Variants in FOXP2 observed in about 807,000 individuals in gnomAD.
FOXP2 encodes the protein forkhead box protein P2.
Under a neutral mutation model 115.8 loss-of-function variants are expected in FOXP2, and 12 were observed. The observed-to-expected ratio is 0.10, with a 90% CI of 0.07 to 0.17. The LOEUF (loss-of-function observed/expected upper bound fraction) is 0.17. Ranked by LOEUF, FOXP2 falls within the 10% of genes least tolerant of loss-of-function variation. The pLI, the probability that FOXP2 is intolerant of heterozygous loss-of-function variation, is 1.00. For missense variants in FOXP2, 629 were observed against 843.5 expected (o/e 0.75, Z 3.15); for synonymous variants, 328 against 297.7 (o/e 1.10, Z -1.05).
At chr7:114,432,809 A>G (rs1794173407) in intron 2 of FOXP2, among the ~76,000 whole-genome samples, 2 of 152,004 alleles carry the variant, frequency 1.3e-5, no homozygotes, top group Admixed American at 6.6e-5. Context: ...ACATGATGAC[A>G]CTAAAGATAT....
In FOXP2 at chr7:114,121,446, G is replaced by A. The variant is rs73716357; in HGVS notation, c.-247+33608G>A. 7.3e-3 allele frequency among the ~76,000 whole-genome samples: 1,104 copies of A among 152,182 alleles called. 10 individuals carry two copies. The highest frequency in any genetic ancestry group is 0.025 in the African/African-American group (1,032 of 41,522). ...GAAAGAAAGGGAAAAGATAAATTCA[G>A]TTTTTTACATTTTAAGCCTGAGAAG... On this transcript the variant is annotated intron_variant, in intron 1 of 19. Coordinates refer to the FOXP2 transcript ENST00000635638.
At chr7:114,462,070 A>C (rs910412377) in intron 2 of FOXP2, among the ~76,000 whole-genome samples, 10 of 151,784 alleles carry the variant, frequency 6.6e-5, no homozygotes, top group African/African-American at 2.4e-4. Context: ...CACGAGGTCA[A>C]GAGATCCGAG....
intron 3 of FOXP2, among the ~76,000 whole-genome samples, chr7:114,551,103 AATGATTATC>A (rs1247383632): frequency 1.2e-4 from 19 of 152,202 alleles, no homozygotes; most frequent in Non-Finnish European, 2.1e-4. Flanking sequence ...ATGTGAAACA[AATGATTATC>A]ATGCTCCAGA....
intron 2 of FOXP2, among the ~76,000 whole-genome samples, chr7:114,438,462 A>G (rs1297528963): frequency 6.6e-6 from 1 of 152,050 alleles, no homozygotes; most frequent in Non-Finnish European, 1.5e-5. Context: ...GAAAACCCAT[A>G]TGCCTATCCT....
chr7:114,438,553 AC>A (rs1185208965), intron 2 of FOXP2, among the ~76,000 whole-genome samples: 1 of 151,958 alleles, frequency 6.6e-6, no homozygotes, highest in African/African-American at 2.4e-5. Context: ...CATTATAACA[AC>A]TAGTTTTGAA....
intron 3 of FOXP2, among the ~76,000 whole-genome samples, chr7:114,607,191 A>G (rs1451322156): frequency 6.6e-6 from 1 of 152,208 alleles, no homozygotes; most frequent in Non-Finnish European, 1.5e-5. Flanking sequence ...ATTCAGTCTT[A>G]TCCATGTGAC....
chr7:114,285,832 A>G (rs1386772636), intron 1 of FOXP2, among the ~76,000 whole-genome samples: 1 of 151,992 alleles, frequency 6.6e-6, no homozygotes, highest in Non-Finnish European at 1.5e-5. Flanking sequence ...CTCTGAATAT[A>G]TAAGTATATG....
chr7:114,260,001 T>G (rs1795709142), intron 1 of FOXP2, among the ~76,000 whole-genome samples: 1 of 152,060 alleles, frequency 6.6e-6, no homozygotes, highest in Non-Finnish European at 1.5e-5. Context: ...GCGGTTCTCT[T>G]GCCTCAGCCT....
intron 2 of FOXP2, among the ~76,000 whole-genome samples, chr7:114,488,939 A>G (rs1405881439): frequency 6.6e-6 from 1 of 152,168 alleles, no homozygotes; most frequent in African/African-American, 2.4e-5. Context: ...TGAAATATGA[A>G]CACTTTTAAA....
intron 2 of FOXP2, among the ~76,000 whole-genome samples, chr7:114,374,432 C>T (rs1792091322): frequency 6.6e-6 from 1 of 151,908 alleles, no homozygotes; most frequent in Admixed American, 6.5e-5. Context: ...ATTCCTTAAA[C>T]AAATCAAAAA....
intron 1 of FOXP2, among the ~76,000 whole-genome samples, chr7:114,245,057 C>G (rs1795248223): frequency 6.6e-6 from 1 of 152,190 alleles, no homozygotes; most frequent in African/African-American, 2.4e-5. Flanking sequence ...CCACCGCGCC[C>G]GGCCGTAGTG....
chr7:114,611,394 T>C (rs913430354), intron 3 of FOXP2, among the ~76,000 whole-genome samples: 4 of 152,056 alleles, frequency 2.6e-5, no homozygotes, highest in African/African-American at 9.7e-5. Context: ...AGTATTTTCT[T>C]ATTTTCTAAT....
intron 1 of FOXP2, among the ~76,000 whole-genome samples, chr7:114,210,681 G>A (rs1012432360): frequency 6.6e-6 from 1 of 152,178 alleles, no homozygotes; most frequent in South Asian, 2.1e-4. Context: ...TAGAGGAGGT[G>A]TGCTGCGTTG....
chr7:114,300,893 TAA>T (rs1562861204), intron 2 of FOXP2, among the ~76,000 whole-genome samples: 1 of 152,052 alleles, frequency 6.6e-6, no homozygotes, highest in African/African-American at 2.4e-5. Context: ...GAATTAATCC[TAA>T]GACAGAGCTG....
At chr7:114,117,738 C>A (rs1326855603) in intron 1 of FOXP2, among the ~76,000 whole-genome samples, 1 of 152,132 alleles carries the variant, frequency 6.6e-6, no homozygotes, top group Middle Eastern at 3.4e-3. Flanking sequence ...CTGGCATAAC[C>A]AATTACCATC....
intron 2 of FOXP2, among the ~76,000 whole-genome samples, chr7:114,383,893 T>C (rs942634089): frequency 6.6e-6 from 1 of 152,172 alleles, no homozygotes; most frequent in African/African-American, 2.4e-5. Context: ...TTTTCCAGGG[T>C]GCGTAACCAC....
At chr7:114,608,446 CAGA>C (rs1803452475) in intron 3 of FOXP2, among the ~76,000 whole-genome samples, 1 of 152,148 alleles carries the variant, frequency 6.6e-6, no homozygotes. Flanking sequence ...TCAAGGCCAG[CAGA>C]AGAAGGATAA....
intron 1 of FOXP2, among the ~76,000 whole-genome samples, chr7:114,214,398 G>A (rs1794436265): frequency 6.6e-6 from 1 of 152,118 alleles, no homozygotes; most frequent in South Asian, 2.1e-4. Context: ...ACTTCTTAGG[G>A]TCATGAATTT....
At chr7:114,132,289 T>C (rs1278333277) in intron 1 of FOXP2, among the ~76,000 whole-genome samples, 2 of 152,138 alleles carry the variant, frequency 1.3e-5, no homozygotes, top group Non-Finnish European at 2.9e-5. Context: ...CACATCATCA[T>C]CCACTCAGTT....
Sources: gnomAD v4.1 joint callset for allele counts (sites outside exome capture counted in the v4.1 genomes callset) on GRCh38, gnomAD v4.1.1 for gene constraint, MANE v1.5 for transcripts, NCBI Gene and HGNC (gene_info 2026-07-23, HGNC 2026-07-21) for gene names.